TSGA13: variants seen among roughly 807,000 people sequenced by gnomAD.
TSGA13 encodes testis-specific gene 13 protein.
A neutral mutation model predicts 35.1 loss-of-function variants in TSGA13; 37 were observed. That is an observed-to-expected ratio of 1.05 (90% CI 0.81 to 1.39). TSGA13 has a LOEUF of 1.39. Ranked by LOEUF, TSGA13 falls within the 40% of genes most tolerant of loss-of-function variation. TSGA13 has a pLI of 0.00. For missense variants in TSGA13, 338 were observed against 328.5 expected (o/e 1.03, Z -0.22); for synonymous variants, 124 against 121.2 (o/e 1.02, Z -0.15).
chr7:130,672,185 C>T (rs1056256053), intron 6 of TSGA13, among the ~76,000 whole-genome samples: 6 of 152,132 alleles, frequency 3.9e-5, no homozygotes, highest in African/African-American at 1.2e-4. Flanking sequence ...ACACCGCGCC[C>T]AGCCCCACCA....
chr7:130,673,750 T>C (rs556083714), intron 5 of TSGA13, among the ~76,000 whole-genome samples: 2 of 152,208 alleles, frequency 1.3e-5, no homozygotes, highest in East Asian at 3.9e-4. Flanking sequence ...ATGAAAACAA[T>C]ATGCCAGGTG....
At position 130,668,863 on chromosome 7, in the gene TSGA13, G is replaced by T; in HGVS notation, c.*151C>A. 7.3e-7 allele frequency: 1 copy of T among 1,365,076 alleles called. No homozygotes were observed. Among genetic ancestry groups the T allele is most frequent in the East Asian group, 2.5e-5 (1 of 40,260 alleles). 84.6% of individuals were successfully genotyped at this position (1,365,076 alleles called of 1,614,324 possible). A position where few individuals can be genotyped will look rare whatever the true frequency, so the allele number is the denominator to read the frequency against. On this transcript the variant is annotated 3_prime_UTR_variant, in exon 8 of 8. Coordinates refer to ENST00000356588, the MANE Select transcript of TSGA13 (RefSeq NM_052933.4). Reference sequence around the variant, plus strand: ...CGCAGCCACGCCCCCTTCTCCTCTTGCGGCCCGCCGGAGACTTCGGCTCGA... The same window carrying T: ...CGCAGCCACGCCCCCTTCTCCTCTTTCGGCCCGCCGGAGACTTCGGCTCGA...
chr7:130,674,182 T>C (rs555773036), intron 5 of TSGA13, among the ~76,000 whole-genome samples: 33 of 136,938 alleles, frequency 2.4e-4, no homozygotes, highest in Admixed American at 8.6e-4. Context: ...TTTTTTTTTT[T>C]TTTTTTTGAG....
chr7:130,684,535 CT>C (rs1796617807), intron 2 of TSGA13, among the ~76,000 whole-genome samples: 1 of 152,138 alleles, frequency 6.6e-6, no homozygotes, highest in African/African-American at 2.4e-5. Context: ...GACCTCTCTC[CT>C]TTAAAAATGA....
At chr7:130,680,833 A>G (rs781955515) in intron 4 of TSGA13, 113 bp downstream of exon 4, 345 of 957,746 alleles carry the variant, frequency 3.6e-4, no homozygotes, top group Non-Finnish European at 4.9e-4. Context: ...AAGAGTACGC[A>G]CAGTCACAGA....
chr7:130,675,036 A>T (rs1380232109), intron 5 of TSGA13, among the ~76,000 whole-genome samples: 5 of 152,136 alleles, frequency 3.3e-5, no homozygotes, highest in Non-Finnish European at 5.9e-5. Flanking sequence ...GCAAAACCCT[A>T]GGAGAGCTGG....
At chr7:130,676,925 C>G (rs868932508) in intron 5 of TSGA13, among the ~76,000 whole-genome samples, 32 of 151,652 alleles carry the variant, frequency 2.1e-4, no homozygotes, top group African/African-American at 6.1e-4. Flanking sequence ...CTGAGTCTCC[C>G]TCTGTCGCCC....
chr7:130,669,392 A>G (rs1161191200), intron 7 of TSGA13, among the ~76,000 whole-genome samples: 6 of 152,352 alleles, frequency 3.9e-5, no homozygotes, highest in Middle Eastern at 3.4e-3. Context: ...ATTCATTGCC[A>G]GTTTAGAGTC....
At chr7:130,687,346 T>C (rs556154932), upstream of TSGA13, 6 of 152,374 alleles carry the variant, frequency 3.9e-5, no homozygotes, top group African/African-American at 1.4e-4. Flanking sequence ...CTTGTCTGCC[T>C]CTTAAGCTGT....
chr7:130,685,061 C>G, intron 2 of TSGA13, 127 bp downstream of exon 2: 1 of 998,718 alleles, frequency 1.0e-6, no homozygotes, highest in Non-Finnish European at 1.5e-6. Context: ...CAGGGACAAT[C>G]AGTCAATTAA....
At chr7:130,686,552 G>C (rs977166505), upstream of TSGA13, 1 of 152,040 alleles carries the variant, frequency 6.6e-6, no homozygotes, top group Non-Finnish European at 1.5e-5. Flanking sequence ...TTCTGGAGGA[G>C]ACAGAGGGAA....
rs1554462377 is a variant in TSGA13 at position 130,669,031 on chromosome 7, C to T, written c.811G>A (p.Ala271Thr). ...GTCTGTGTTCACCCGATGACCGTGG[C>T]CTTTTTGATAATCCACTGCGGGGCC... is the stretch of plus-strand genomic sequence containing the variant. The part of the protein sequence containing the change: ...GRAPQWIIKK[A>T]TVIG The change falls in exon 8 of 8, where the codon GCC becomes ACC. Residue 271 changes from alanine to threonine, a missense_variant. Coordinates refer to ENST00000356588, the MANE Select transcript of TSGA13 (RefSeq NM_052933.4). The T allele has an allele frequency of 2.5e-6, 4 of 1,614,068 alleles. No homozygotes were observed. Among genetic ancestry groups the T allele is most frequent in the Non-Finnish European group, 3.4e-6 (4 of 1,180,046 alleles).
rs1441332678 is a variant in TSGA13, at chr7:130,668,891, C to G, written c.*123G>C. On this transcript the variant is annotated 3_prime_UTR_variant, in exon 8 of 8. Transcript: ENST00000356588. ...GCCCGCCGGAGACTTCGGCTCGACC[C>G]TCCCGGCTTGCGACCCGGGAGCCCA... The G allele has an allele frequency of 7.6e-6, 11 of 1,452,384 alleles. No individual in the cohort carries two copies. The highest frequency in any genetic ancestry group is 1.8e-6 in the Non-Finnish European group (2 of 1,082,080). 90.0% of individuals were successfully genotyped at this position (1,452,384 alleles called of 1,614,324 possible).
At chr7:130,687,239 T>A (rs1796676940), upstream of TSGA13, 1 of 152,230 alleles carries the variant, frequency 6.6e-6, no homozygotes, top group African/African-American at 2.4e-5. Flanking sequence ...TTTTCTAGAT[T>A]AATGCAATCC....
chr7:130,672,159 G>A (rs1796288816), intron 6 of TSGA13, among the ~76,000 whole-genome samples: 2 of 152,084 alleles, frequency 1.3e-5, no homozygotes, highest in African/African-American at 2.4e-5. Flanking sequence ...TGAAGTGCTG[G>A]GATTACAGGC....
intron 7 of TSGA13, among the ~76,000 whole-genome samples, chr7:130,670,476 C>T (rs547785432): frequency 6.6e-6 from 1 of 152,230 alleles, no homozygotes; most frequent in Admixed American, 6.5e-5. Flanking sequence ...AGTCTGAGGA[C>T]CCACCAATTA....
chr7:130,686,692 CTACACACACACA>C (rs1231874735), upstream of TSGA13: 1 of 60,540 alleles, frequency 1.7e-5, no homozygotes, highest in South Asian at 7.6e-4. Flanking sequence ...TATGACTTCT[CTACACACACACA>C]CACACACACA....
At chr7:130,684,594 G>C (rs1371068674) in intron 2 of TSGA13, among the ~76,000 whole-genome samples, 1 of 152,320 alleles carries the variant, frequency 6.6e-6, no homozygotes, top group South Asian at 2.1e-4. Flanking sequence ...GCCACGCTAT[G>C]TCGTTTGTAG....
intron 5 of TSGA13, among the ~76,000 whole-genome samples, chr7:130,674,896 C>T (rs575623548): frequency 2.6e-5 from 4 of 152,244 alleles, no homozygotes; most frequent in Admixed American, 1.3e-4. Flanking sequence ...GCAAAAACTG[C>T]ACTTACTTTT....
Sources: allele counts gnomAD v4.1 joint callset (sites outside exome capture counted in the v4.1 genomes callset), GRCh38; gene constraint gnomAD v4.1.1; transcripts MANE v1.5; gene names NCBI Gene and HGNC (gene_info 2026-07-23, HGNC 2026-07-21).